The following HNRNPA1L2 variants were observed in gnomAD, a reference collection of about 807,000 sequenced individuals.
The protein encoded by HNRNPA1L2 is heterogeneous nuclear ribonucleoprotein A1-like 2.
HNRNPA1L2 carries 10 observed loss-of-function variants against 18.2 expected under a neutral mutation model. The ratio of observed to expected loss-of-function variants is 0.55; its 90% CI spans 0.34 to 0.93. HNRNPA1L2 has a LOEUF of 0.93. Among genes scored for constraint, HNRNPA1L2 ranks in the 40% least tolerant of loss-of-function variants. The pLI is 0.02. For synonymous variants in HNRNPA1L2, 124 were observed against 138.6 expected (o/e 0.89, Z 0.74); for missense variants, 308 against 394.4 (o/e 0.78, Z 1.85).
upstream of HNRNPA1L2, chr13:52,641,706 A>G (rs1961662380): frequency 6.6e-6 from 1 of 152,166 alleles, no homozygotes; most frequent in Non-Finnish European, 1.5e-5. Flanking sequence ...GGTTTTTTAA[A>G]TCTTTTCAGA....
At chr13:52,628,344 A>G in the HNRNPA1L2 span, among the ~76,000 whole-genome samples, 1 of 152,134 alleles carries the variant, frequency 6.6e-6, no homozygotes, top group Non-Finnish European at 1.5e-5. Context: ...TTTGGGGGCT[A>G]AGGCTGGAGG....
chr13:52,638,587 G>C (rs942322172), upstream of HNRNPA1L2, among the ~76,000 whole-genome samples: 1 of 152,110 alleles, frequency 6.6e-6, no homozygotes, highest in African/African-American at 2.4e-5. Flanking sequence ...GAGGTAATCA[G>C]CTTTAAATTC....
chr13:52,634,200 A>G, the HNRNPA1L2 span, among the ~76,000 whole-genome samples: 1 of 152,216 alleles, frequency 6.6e-6, no homozygotes, highest in Non-Finnish European at 1.5e-5. Context: ...GCATAGGGAC[A>G]ATGAATCACC....
upstream of HNRNPA1L2, among the ~76,000 whole-genome samples, chr13:52,640,186 C>A (rs989140265): frequency 6.6e-6 from 1 of 152,150 alleles, no homozygotes; most frequent in Non-Finnish European, 1.5e-5. Flanking sequence ...AGGGATTCAC[C>A]CCTCCTTGGC....
chr13:52,638,230 C>T (rs948832516), upstream of HNRNPA1L2, among the ~76,000 whole-genome samples: 3 of 152,122 alleles, frequency 2.0e-5, no homozygotes, highest in African/African-American at 7.2e-5. Context: ...ATTAAAAATC[C>T]TGGAGGTTAG....
chr13:52,620,313 C>T, the HNRNPA1L2 span, among the ~76,000 whole-genome samples: 1 of 152,166 alleles, frequency 6.6e-6, no homozygotes. Flanking sequence ...TCTTAGGAAT[C>T]TGTGTTTTAA....
chr13:52,640,188 C>T (rs1261318404), upstream of HNRNPA1L2, among the ~76,000 whole-genome samples: 1 of 152,176 alleles, frequency 6.6e-6, no homozygotes, highest in African/African-American at 2.4e-5. Flanking sequence ...GGATTCACCC[C>T]TCCTTGGCCT....
chr13:52,639,892 T>TGTTTG (rs371453064), upstream of HNRNPA1L2, among the ~76,000 whole-genome samples: 1 of 128,614 alleles, frequency 7.8e-6, no homozygotes, highest in African/African-American at 2.9e-5. Context: ...TTTTTTTTTT[T>TGTTTG]TTTGTTTTTT....
the HNRNPA1L2 span, among the ~76,000 whole-genome samples, chr13:52,624,239 G>T: frequency 6.6e-6 from 1 of 152,156 alleles, no homozygotes; most frequent in East Asian, 1.9e-4. Context: ...TCAGCCTCCC[G>T]AGTAGCTGGG....
rs753291696 is a variant in HNRNPA1L2 at position 52,643,411 on chromosome 13, G to T, written c.919G>T (p.Val307Phe). 16 of 1,598,500 alleles carry T rather than the reference G, an allele frequency of 1.0e-5. No individual in the cohort carries two copies. In the South Asian group the frequency reaches 1.4e-4, roughly 14 times the overall value. ...AKPQNQGGYG[V>F]SSSSSSYGSG... ...ACCACAAAACCAAGGTGGCTATGGC[G>T]TTTCCAGCAGCAGCAGTAGCTATGG... Residue 307 changes from valine (V) to phenylalanine (F), a missense_variant, in exon 1 of 1, where the codon GTT becomes TTT. Transcript: ENST00000357495.
chr13:52,619,559 C>T, the HNRNPA1L2 span, among the ~76,000 whole-genome samples: 1 of 152,110 alleles, frequency 6.6e-6, no homozygotes, highest in Non-Finnish European at 1.5e-5. Flanking sequence ...GTAATCCATC[C>T]GCCTCGGCCT....
At position 52,643,241 on chromosome 13, in the gene HNRNPA1L2, A is replaced by G. The variant is rs1420909833; in HGVS notation, c.749A>G (p.Asp250Gly). 1 of 1,596,252 alleles carries G rather than the reference A, an allele frequency of 6.3e-7. No individual in the cohort carries two copies. The change falls in exon 1 of 1, where the codon GAT (aspartate) becomes GGT (glycine). Residue 250 changes from aspartate (D) to glycine (G), a missense_variant. Asp to Gly is a moderately conservative substitution (Grantham distance 94). Transcript: ENST00000357495. The stretch of plus-strand genomic sequence containing the variant: ...GATGGCTATAATGGATTTGGTAATG[A>G]TGGAAGCAATTTTGGAGGTGGTGGA... ...SGDGYNGFGN[D>G]GSNFGGGGSY... is the part of the protein sequence containing the mutation.
chr13:52,642,466 G>A lies in HNRNPA1L2; in HGVS notation c.-27G>A, dbSNP rs774538661. 8.1e-6 allele frequency: 13 copies of A among 1,610,596 alleles called. No homozygotes were observed. Among genetic ancestry groups the A allele is most frequent in the East Asian group, 4.5e-5 (2 of 44,876 alleles). On this transcript the variant is annotated 5_prime_UTR_variant, in exon 1 of 1. Transcript: ENST00000357495. ...CCGTGGACGCCGCTGAAGAAGCATC[G>A]TTAAAGTCTCTCTTCACCTTGCCGT...
the HNRNPA1L2 span, among the ~76,000 whole-genome samples, chr13:52,632,849 T>A: frequency 6.6e-6 from 1 of 152,214 alleles, no homozygotes; most frequent in Admixed American, 6.5e-5. Context: ...ATGAAACTGT[T>A]TTCCTTGATA....
the HNRNPA1L2 span, among the ~76,000 whole-genome samples, chr13:52,622,896 G>T: frequency 2.0e-5 from 3 of 151,952 alleles, no homozygotes; most frequent in Non-Finnish European, 4.4e-5. Context: ...GTATTTCAGG[G>T]ATGTCATTAA....
the HNRNPA1L2 span, among the ~76,000 whole-genome samples, chr13:52,619,198 A>G: frequency 1.3e-5 from 2 of 151,876 alleles, no homozygotes; most frequent in South Asian, 2.1e-4. Flanking sequence ...GGGTTTCTCC[A>G]TGTTGGCCAG....
chr13:52,633,995 C>G, the HNRNPA1L2 span, among the ~76,000 whole-genome samples: 6 of 152,318 alleles, frequency 3.9e-5, no homozygotes, highest in African/African-American at 1.4e-4. Context: ...ATGTGGCTTA[C>G]AGATCGTAGG....
the HNRNPA1L2 span, among the ~76,000 whole-genome samples, chr13:52,632,181 C>G: frequency 6.6e-6 from 1 of 152,080 alleles, no homozygotes; most frequent in South Asian, 2.1e-4. Flanking sequence ...TTGAGCTAAT[C>G]TTTTCAGTTG....
the HNRNPA1L2 span, among the ~76,000 whole-genome samples, chr13:52,633,836 T>C: frequency 6.6e-6 from 1 of 152,130 alleles, no homozygotes; most frequent in African/African-American, 2.4e-5. Flanking sequence ...AAATGTTGTA[T>C]GTGATAGATA....
Sources: allele counts gnomAD v4.1 joint callset (sites outside exome capture counted in the v4.1 genomes callset), GRCh38; gene constraint gnomAD v4.1.1; transcripts MANE v1.5; gene names NCBI Gene and HGNC (gene_info 2026-07-23, HGNC 2026-07-21).